ABCC3: variants seen among roughly 807,000 people sequenced by gnomAD.
The protein encoded by ABCC3 is ATP-binding cassette sub-family C member 3.
ABCC3 carries 121 observed loss-of-function variants against 165.3 expected under a neutral mutation model. The observed-to-expected ratio is 0.73, with a 90% CI of 0.63 to 0.85. The LOEUF is 0.85. Among genes scored for constraint, ABCC3 ranks in the 40% least tolerant of loss-of-function variants. The probability of loss-of-function intolerance (pLI) is 0.00; values close to 1 mark genes in which losing one functional copy is unlikely to be tolerated. For missense variants in ABCC3, 1,869 were observed against 1,964.1 expected (o/e 0.95, Z 0.92); for synonymous variants, 733 against 810.1 (o/e 0.90, Z 1.62).
Position 50,663,863 on chromosome 17 carries a change from G to A in ABCC3, c.1176+5G>A. The A allele has an allele frequency of 1.2e-6, 2 of 1,614,206 alleles. No homozygotes were observed. The highest frequency in any genetic ancestry group is 1.7e-6 in the Non-Finnish European group (2 of 1,180,042). ...ATGGGTGTCATCTACAGGAAGGTCAGCTGGAGCAGGGCCCAGGGGAAAGGC... is the reference window on the plus strand; with the variant it reads ...ATGGGTGTCATCTACAGGAAGGTCAACTGGAGCAGGGCCCAGGGGAAAGGC... On this transcript the variant is annotated splice_donor_5th_base_variant and intron_variant, in intron 9 of 30. Transcript: ENST00000285238.
At chr17:50,646,138 A>G (rs768753216) in intron 1 of ABCC3, among the ~76,000 whole-genome samples, 4 of 152,116 alleles carry the variant, frequency 2.6e-5, no homozygotes, top group Non-Finnish European at 5.9e-5. Flanking sequence ...TTGGGAATAC[A>G]GGGGTGGGAC....
At position 50,657,140 on chromosome 17, in the gene ABCC3, C is replaced by T. The variant is rs748346809; in HGVS notation, c.443C>T (p.Ala148Val). The T allele has an allele frequency of 1.7e-5, 27 of 1,614,032 alleles. No individual in the cohort carries two copies. In the East Asian group the frequency reaches 4.9e-4, roughly 29 times the overall value. The change falls in exon 4 of 31, where the codon GCC becomes GTC. Residue 148 changes from alanine to valine, a missense_variant. Coordinates refer to ENST00000285238, the MANE Select transcript of ABCC3 (RefSeq NM_003786.4). Reference protein sequence around the residue: ...IIFWFLCVVCAIVPFRSKILL... With the variant: ...IIFWFLCVVCVIVPFRSKILL... Reference sequence around the variant, plus strand: ...TTCTGGTTCCTGTGTGTGGTCTGCGCCATCGTCCCATTCCGCTCCAAGATC... The same window carrying T: ...TTCTGGTTCCTGTGTGTGGTCTGCGTCATCGTCCCATTCCGCTCCAAGATC...
At chr17:50,637,093 G>C (rs1397314765) in intron 1 of ABCC3, among the ~76,000 whole-genome samples, 2 of 152,146 alleles carry the variant, frequency 1.3e-5, no homozygotes, top group African/African-American at 4.8e-5. Context: ...GGCTCAGTGG[G>C]AGTCAGCTCA....
chr17:50,671,357 C>A (rs575088475), intron 17 of ABCC3, among the ~76,000 whole-genome samples: 2 of 152,186 alleles, frequency 1.3e-5, no homozygotes, highest in Admixed American at 6.5e-5. Context: ...TCTCCAGAAC[C>A]TTTTCATCTT....
At position 50,691,413 on chromosome 17, in the gene ABCC3, T is replaced by C. The variant is rs1368871601; in HGVS notation, c.*213T>C. 1.9e-6 allele frequency: 1 copy of C among 514,980 alleles called. No individual in the cohort carries two copies. The highest frequency in any genetic ancestry group is 3.5e-6 in the Non-Finnish European group (1 of 281,958). 31.9% of individuals were successfully genotyped at this position (514,980 alleles called of 1,614,324 possible). A position where few individuals can be genotyped will look rare whatever the true frequency, so the allele number is the denominator to read the frequency against. ...ATGACACGCCTAAGGTCACAGCTAG[T>C]TTGAGCCAGTTAGACTAGTCCCCGG... On this transcript the variant is annotated 3_prime_UTR_variant, in exon 31 of 31. Coordinates refer to ENST00000285238, the MANE Select transcript of ABCC3 (RefSeq NM_003786.4).
intron 26 of ABCC3, among the ~76,000 whole-genome samples, chr17:50,682,173 T>C (rs1284317373): frequency 2.6e-5 from 4 of 151,818 alleles, no homozygotes; most frequent in Non-Finnish European, 5.9e-5. Flanking sequence ...GAACTGCGCG[T>C]TTAGAGTAAT....
rs766002271 is a variant in ABCC3 at position 50,673,491 on chromosome 17, G to A, written c.2432G>A (p.Gly811Asp). Reference sequence around the variant, plus strand: ...CAGACGCGAGTGCTGGTGACGCACGGCATTAGCTTCCTGCCCCAGACAGAC... The same window carrying A: ...CAGACGCGAGTGCTGGTGACGCACGACATTAGCTTCCTGCCCCAGACAGAC... ...AGKTRVLVTH[G>D]ISFLPQTDFI... The change falls in exon 19 of 31, where the codon GGC becomes GAC. Residue 811 changes from glycine (G) to aspartate (D), a missense_variant. Physicochemically the swap from Gly to Asp is moderately conservative, Grantham distance 94. Transcript: ENST00000285238. The A allele has an allele frequency of 2.5e-6, 4 of 1,614,132 alleles. No individual in the cohort carries two copies. Among genetic ancestry groups the A allele is most frequent in the African/African-American group, 2.7e-5 (2 of 75,032 alleles).
Position 50,667,979 on chromosome 17 carries a change from G to A in ABCC3, c.1752G>A (p.Met584Ile). Reference sequence around the variant, plus strand: ...ATATCTTAAGACTTCCCCTCAACATGCTGCCCCAGTTAATCAGCAACCTGA... The same window carrying A: ...ATATCTTAAGACTTCCCCTCAACATACTGCCCCAGTTAATCAGCAACCTGA... ...LFNILRLPLN[M>I]LPQLISNLTQ... Residue 584 changes from methionine to isoleucine, a missense_variant, in exon 13 of 31, where the codon ATG becomes ATA. Coordinates refer to ENST00000285238, the MANE Select transcript of ABCC3 (RefSeq NM_003786.4). 6.2e-7 allele frequency: 1 copy of A among 1,614,196 alleles called. No homozygotes were observed. The highest frequency in any genetic ancestry group is 8.5e-7 in the Non-Finnish European group (1 of 1,180,028).
intron 30 of ABCC3, among the ~76,000 whole-genome samples, chr17:50,690,425 C>G (rs1340085674): frequency 6.6e-6 from 1 of 152,154 alleles, no homozygotes; most frequent in African/African-American, 2.4e-5. Context: ...AGGCTGAGAA[C>G]CAGAATGCAG....
chr17:50,663,531 T>G, intron 8 of ABCC3, 150 bp from the exon 9 acceptor site: 1 of 860,214 alleles, frequency 1.2e-6, no homozygotes, highest in African/African-American at 1.7e-5. Flanking sequence ...CAGTACTGGG[T>G]TGACCCTCCC....
chr17:50,684,941 G>C, intron 29 of ABCC3, 66 bp downstream of exon 29: 1 of 1,555,508 alleles, frequency 6.4e-7, no homozygotes, highest in Non-Finnish European at 8.7e-7. Flanking sequence ...CGGGTGCTGG[G>C]AAACCTGACA....
At chr17:50,658,861 C>T (rs1967316119) in intron 6 of ABCC3, among the ~76,000 whole-genome samples, 1 of 152,192 alleles carries the variant, frequency 6.6e-6, no homozygotes, top group Admixed American at 6.5e-5. Context: ...ATAACTGTGT[C>T]TGTGACCTGG....
At chr17:50,636,583 T>C (rs114051865) in intron 1 of ABCC3, among the ~76,000 whole-genome samples, 20 of 152,310 alleles carry the variant, frequency 1.3e-4, no homozygotes, top group African/African-American at 4.3e-4. Context: ...TCACTGCCCT[T>C]TGGGCCAGGC....
intron 1 of ABCC3, among the ~76,000 whole-genome samples, chr17:50,641,047 C>T (rs139726409): frequency 5.5e-4 from 84 of 152,286 alleles, no homozygotes; most frequent in African/African-American, 2.0e-3. Flanking sequence ...AGGCCTGGGG[C>T]CCCCAGGGCT....
At position 50,691,173 on chromosome 17, in the gene ABCC3, G is replaced by T. The variant is rs778108577; in HGVS notation, c.4557G>T (p.Gly1519=). ...NLIAARGIFY[G]MARDAGLA ...TTGCAGCTAGAGGCATCTTCTACGG[G>T]ATGGCCAGAGATGCTGGACTTGCCT... The change falls in exon 31 of 31, where the codon GGG becomes GGT. Residue 1519 remains glycine (G), a synonymous_variant. Transcript: ENST00000285238. 2.5e-6 allele frequency: 4 copies of T among 1,613,972 alleles called. No homozygotes were observed. The highest frequency in any genetic ancestry group is 3.4e-6 in the Non-Finnish European group (4 of 1,179,924).
Position 50,655,744 on chromosome 17 carries a change from A to C in ABCC3, c.46-88A>C, listed in dbSNP as rs902004470. 3.2e-6 allele frequency: 4 copies of C among 1,247,910 alleles called. No homozygotes were observed. The African/African-American group carries it at 4.5e-5, about 14-fold the overall frequency. 77.3% of individuals were successfully genotyped at this position (1,247,910 alleles called of 1,614,324 possible). On this transcript the variant is annotated intron_variant, in intron 1 of 30. Coordinates refer to ENST00000285238, the MANE Select transcript of ABCC3 (RefSeq NM_003786.4). ...TCCACTCCACCCCTGTCTCTGATGG[A>C]ACATCTCTCCAGCTAAGCCATCTTC... is the stretch of plus-strand genomic sequence containing the variant.
At chr17:50,647,036 G>A (rs1278318130) in intron 1 of ABCC3, among the ~76,000 whole-genome samples, 3 of 152,044 alleles carry the variant, frequency 2.0e-5, no homozygotes, top group Non-Finnish European at 2.9e-5. Context: ...CTGCCACCAC[G>A]CCCAGCTAAT....
intron 30 of ABCC3, among the ~76,000 whole-genome samples, chr17:50,690,346 A>AG (rs1348514974): frequency 7.5e-5 from 5 of 66,298 alleles, no homozygotes; most frequent in Admixed American, 5.4e-4. Context: ...GCGGGAGGGG[A>AG]GGGGGGGCGG....
intron 29 of ABCC3, 71 bp downstream of exon 29, chr17:50,684,946 C>T: frequency 6.5e-7 from 1 of 1,544,478 alleles, no homozygotes; most frequent in Non-Finnish European, 8.8e-7. Context: ...GCTGGGAAAC[C>T]TGACACCAAT....
Sources: allele counts gnomAD v4.1 joint callset (sites outside exome capture counted in the v4.1 genomes callset), GRCh38; gene constraint gnomAD v4.1.1; transcripts MANE v1.5; gene names NCBI Gene and HGNC (gene_info 2026-07-23, HGNC 2026-07-21).